DACH2: variants seen among roughly 807,000 people sequenced by gnomAD.
The protein encoded by DACH2 is dachshund homolog 2.
Under a neutral mutation model 35.8 loss-of-function variants are expected in DACH2, and 17 were observed. The ratio of observed to expected loss-of-function variants is 0.48; its 90% confidence interval spans 0.33 to 0.71. DACH2 has a LOEUF of 0.71. Among genes scored for constraint, DACH2 ranks in the 30% least tolerant of loss-of-function variants. The pLI, the probability that DACH2 is intolerant of heterozygous loss-of-function variation, is 0.02. For synonymous variants in DACH2, 195 were observed against 177.3 expected, an observed-to-expected ratio of 1.10 and a Z score of -0.79; for missense variants, 469 against 472.7, an observed-to-expected ratio of 0.99 and a Z score of 0.07.
intron 4 of DACH2, among the ~76,000 whole-genome samples, chrX:86,692,808 T>G (rs2041025048): frequency 8.9e-6 from 1 of 112,099 alleles, no homozygotes; most frequent in Non-Finnish European, 1.9e-5. Context: ...AATGATGTAG[T>G]GCTTCCATTT....
chrX:86,721,028 G>A (rs1007849466), intron 6 of DACH2, among the ~76,000 whole-genome samples: 23 of 112,444 alleles, frequency 2.0e-4, no homozygotes, highest in African/African-American at 7.4e-4. Flanking sequence ...CACAGCTGGA[G>A]CAGCTGGGAC....
intron 3 of DACH2, among the ~76,000 whole-genome samples, chrX:86,556,969 C>A (rs1177635821): frequency 9.4e-6 from 1 of 105,903 alleles, no homozygotes; most frequent in East Asian, 3.1e-4. Flanking sequence ...AACCAGGGAG[C>A]CTATGGCATA....
At chrX:86,368,399 T>A (rs913767217) in intron 1 of DACH2, among the ~76,000 whole-genome samples, 3 of 111,265 alleles carry the variant, frequency 2.7e-5, no homozygotes, top group Non-Finnish European at 5.7e-5. Context: ...TAGTTGATGA[T>A]CACTAAACAT....
intron 2 of DACH2, among the ~76,000 whole-genome samples, chrX:86,419,100 T>G (rs1450632487): frequency 8.9e-6 from 1 of 111,788 alleles, no homozygotes; most frequent in Admixed American, 9.5e-5. Context: ...ATTATCAGCA[T>G]TTTGGTCAAA....
chrX:86,575,924 C>G (rs766948942), intron 3 of DACH2, among the ~76,000 whole-genome samples: 1 of 112,183 alleles, frequency 8.9e-6, no homozygotes, highest in Non-Finnish European at 1.9e-5. Context: ...AATATCTTTA[C>G]TAGTTATGAA....
chrX:86,202,329 C>T (rs753624357), intron 1 of DACH2, among the ~76,000 whole-genome samples: 8 of 110,964 alleles, frequency 7.2e-5, no homozygotes, highest in East Asian at 5.7e-4. Flanking sequence ...CAAGAAAGTG[C>T]GATTGAAACA....
intron 7 of DACH2, among the ~76,000 whole-genome samples, chrX:86,765,700 T>G (rs2041926863): frequency 7.8e-5 from 1 of 12,791 alleles, no homozygotes; most frequent in African/African-American, 2.6e-4. Context: ...GTTTTTTGGT[T>G]TTTTTTTTTT....
intron 6 of DACH2, among the ~76,000 whole-genome samples, chrX:86,725,850 G>A (rs1291772): frequency 0.23 from 25,310 of 110,216 alleles, 2,391 homozygotes; most frequent in Admixed American, 0.44. Flanking sequence ...ATGTGGGTGG[G>A]TATCATCAGT....
At chrX:86,260,817 C>T (rs2033612366) in intron 1 of DACH2, among the ~76,000 whole-genome samples, 1 of 111,221 alleles carries the variant, frequency 9.0e-6, no homozygotes, top group Non-Finnish European at 1.9e-5. Context: ...TCAGATGGGT[C>T]TGGCTCCAAG....
In DACH2 at chrX:86,728,108, G is replaced by A. The variant is rs548824035; in HGVS notation, c.1105-11639G>A. On this transcript the variant is annotated intron_variant, in intron 6 of 11. Transcript: ENST00000373125. Reference sequence around the variant, plus strand: ...TATGGACAGTGAAATCTAGGCTGCTGAGATCTCAGATAGCAGTGAGGAATT... The same window carrying A: ...TATGGACAGTGAAATCTAGGCTGCTAAGATCTCAGATAGCAGTGAGGAATT... Among the ~76,000 whole-genome samples the A allele has an allele frequency of 1.4e-4, 16 of 112,138 alleles. 1 individual carries two copies. The South Asian group carries it at 4.8e-3, about 34-fold the overall frequency.
chrX:86,590,345 A>G (rs1356921724), intron 3 of DACH2, among the ~76,000 whole-genome samples: 1 of 112,001 alleles, frequency 8.9e-6, no homozygotes, highest in Non-Finnish European at 1.9e-5. Context: ...CTTTACAGGA[A>G]GCCTTCTTTT....
intron 7 of DACH2, among the ~76,000 whole-genome samples, chrX:86,776,716 T>G (rs1304960523): frequency 9.0e-6 from 1 of 111,123 alleles, no homozygotes; most frequent in African/African-American, 3.3e-5. Flanking sequence ...TAGGTATATC[T>G]CCTAATGCTA....
chrX:86,533,889 G>A (rs1200789930), intron 3 of DACH2, among the ~76,000 whole-genome samples: 1 of 110,985 alleles, frequency 9.0e-6, no homozygotes, highest in South Asian at 3.8e-4. Context: ...GATATTTGTG[G>A]CTTGTCAAAT....
At chrX:86,561,874 C>A (rs2039222043) in intron 3 of DACH2, among the ~76,000 whole-genome samples, 3 of 61,076 alleles carry the variant, frequency 4.9e-5, no homozygotes, top group Admixed American at 2.1e-4. Context: ...ACATTGTGCA[C>A]ATGTACCCTA....
At chrX:86,463,774 C>T (rs1455992148) in intron 2 of DACH2, among the ~76,000 whole-genome samples, 1 of 111,139 alleles carries the variant, frequency 9.0e-6, no homozygotes, top group Admixed American at 9.6e-5. Context: ...GCAATCTTTC[C>T]ATGTGACAAA....
At chrX:86,280,058 A>G (rs1234236687) in intron 1 of DACH2, among the ~76,000 whole-genome samples, 1 of 111,218 alleles carries the variant, frequency 9.0e-6, no homozygotes, top group Non-Finnish European at 1.9e-5. Flanking sequence ...AACTTCCCCA[A>G]TCTAGAAAGA....
intron 1 of DACH2, among the ~76,000 whole-genome samples, chrX:86,300,954 G>A (rs896464595): frequency 8.9e-6 from 1 of 111,942 alleles, no homozygotes; most frequent in Non-Finnish European, 1.9e-5. Flanking sequence ...AAGGTTATTG[G>A]CCATATTGTG....
chrX:86,470,852 A>G (rs1461285913), intron 2 of DACH2, among the ~76,000 whole-genome samples: 2 of 111,640 alleles, frequency 1.8e-5, no homozygotes, highest in Non-Finnish European at 3.8e-5. Flanking sequence ...TAATTTAGTC[A>G]TTAGTCTAGC....
intron 11 of DACH2, among the ~76,000 whole-genome samples, chrX:86,816,413 T>C (rs149767716): frequency 0.019 from 2,114 of 111,904 alleles, 56 homozygotes; most frequent in Admixed American, 0.092. Flanking sequence ...TAAAAATGCA[T>C]AAATGTGAAT....
Sources: gnomAD v4.1 joint callset for allele counts (sites outside exome capture counted in the v4.1 genomes callset) on GRCh38, gnomAD v4.1.1 for gene constraint, MANE v1.5 for transcripts, NCBI Gene and HGNC (gene_info 2026-07-23, HGNC 2026-07-21) for gene names.